Variants in CREBBP observed in about 807,000 individuals in gnomAD.
CREBBP encodes the protein CREB-binding protein.
CREBBP carries 19 observed loss-of-function variants against 265.0 expected under a neutral mutation model. The ratio of observed to expected loss-of-function variants is 0.07; its 90% CI spans 0.05 to 0.11. The LOEUF (loss-of-function observed/expected upper bound fraction) is 0.11. Among genes scored for constraint, CREBBP ranks in the 10% least tolerant of loss-of-function variants. CREBBP has a pLI of 1.00. For synonymous variants in CREBBP, 1,457 were observed against 1,223.7 expected (o/e 1.19, Z -3.98); for missense variants, 2,525 against 3,219.0 (o/e 0.78, Z 5.22).
At position 3,729,641 on chromosome 16, in the gene CREBBP, C is replaced by T. The variant is rs563965527; in HGVS notation, c.5406G>A (p.Val1802=). The T allele has an allele frequency of 3.1e-6, 5 of 1,614,046 alleles. No homozygotes were observed. Among genetic ancestry groups the T allele is most frequent in the Non-Finnish European group, 4.2e-6 (5 of 1,180,002 alleles). ...TGCGTTTGCAGCCCTTGGTGTGCTG[C>T]ACCACCCGCTTCATCTTCTGGCAGG... is the stretch of plus-strand genomic sequence containing the variant. ...LPSCQKMKRV[V]QHTKGCKRKT... Residue 1802 remains valine, a synonymous_variant, in exon 31 of 31, where the codon GTG becomes GTA. Transcript: ENST00000262367.
At chr16:3,747,484 C>T (rs1016259975) in intron 21 of CREBBP, among the ~76,000 whole-genome samples, 10 of 152,136 alleles carry the variant, frequency 6.6e-5, no homozygotes, top group South Asian at 2.1e-4. Flanking sequence ...GTGGTGATGC[C>T]GCTCTGCCCA....
At chr16:3,831,350 A>G (rs2054338739) in intron 2 of CREBBP, among the ~76,000 whole-genome samples, 2 of 152,228 alleles carry the variant, frequency 1.3e-5, no homozygotes, top group African/African-American at 4.8e-5. Flanking sequence ...TTGAGATGCA[A>G]TTAACAACAG....
At chr16:3,828,388 G>A (rs1048493313) in intron 2 of CREBBP, among the ~76,000 whole-genome samples, 44 of 152,218 alleles carry the variant, frequency 2.9e-4, no homozygotes, top group African/African-American at 1.0e-3. Context: ...CACCATGCCC[G>A]TCGAAAGCTG....
At chr16:3,832,460 C>T (rs1477416072) in intron 2 of CREBBP, among the ~76,000 whole-genome samples, 1 of 152,160 alleles carries the variant, frequency 6.6e-6, no homozygotes, top group Non-Finnish European at 1.5e-5. Flanking sequence ...AGAAAAGTGT[C>T]ATTAGGTGAT....
At chr16:3,796,358 G>T (rs1345462225) in intron 3 of CREBBP, among the ~76,000 whole-genome samples, 1 of 151,402 alleles carries the variant, frequency 6.6e-6, no homozygotes, top group Admixed American at 6.6e-5. Context: ...TGGGATCACA[G>T]ATGTGTGGTG....
At chr16:3,829,490 T>C (rs1018434451) in intron 2 of CREBBP, among the ~76,000 whole-genome samples, 1 of 152,190 alleles carries the variant, frequency 6.6e-6, no homozygotes, top group African/African-American at 2.4e-5. Flanking sequence ...GAAGGAATTG[T>C]GAATTGAACA....
intron 4 of CREBBP, among the ~76,000 whole-genome samples, chr16:3,793,161 A>G (rs1278899031): frequency 2.0e-5 from 3 of 152,254 alleles, no homozygotes; most frequent in Non-Finnish European, 4.4e-5. Flanking sequence ...GCAGAAGTTC[A>G]CAGAGTATCA....
chr16:3,734,379 C>T (rs570580776), intron 28 of CREBBP, among the ~76,000 whole-genome samples: 140 of 152,302 alleles, frequency 9.2e-4, no homozygotes, highest in African/African-American at 3.2e-3. Flanking sequence ...ACCTCAGCAT[C>T]CCGCCTCCTA....
chr16:3,862,871 G>A (rs2055105562), intron 1 of CREBBP, among the ~76,000 whole-genome samples: 1 of 152,126 alleles, frequency 6.6e-6, no homozygotes, highest in Non-Finnish European at 1.5e-5. Context: ...TCTGCTCAGA[G>A]TTTGCCTCTT....
intron 2 of CREBBP, among the ~76,000 whole-genome samples, chr16:3,817,802 G>A (rs1334472870): frequency 1.3e-5 from 2 of 152,184 alleles, no homozygotes; most frequent in African/African-American, 4.8e-5. Flanking sequence ...GGGCCAGGCA[G>A]TCCATGGGGG....
At chr16:3,789,221 G>A (rs540938085) in intron 5 of CREBBP, among the ~76,000 whole-genome samples, 1 of 152,204 alleles carries the variant, frequency 6.6e-6, no homozygotes, top group Admixed American at 6.5e-5. Flanking sequence ...GCGAGCACAG[G>A]TGGGTCTCGG....
intron 19 of CREBBP, among the ~76,000 whole-genome samples, chr16:3,752,376 G>C (rs751100385): frequency 6.6e-5 from 10 of 151,626 alleles, no homozygotes; most frequent in Non-Finnish European, 1.2e-4. Flanking sequence ...GCAATTCAGA[G>C]ATTTTATTTC....
intron 20 of CREBBP, among the ~76,000 whole-genome samples, chr16:3,750,553 G>GA (rs1439314057): frequency 6.6e-6 from 1 of 152,208 alleles, no homozygotes; most frequent in African/African-American, 2.4e-5. Context: ...GTATAGAAAT[G>GA]AGTTGATAAC....
intron 1 of CREBBP, among the ~76,000 whole-genome samples, chr16:3,869,238 C>A (rs942794021): frequency 2.6e-5 from 4 of 152,200 alleles, no homozygotes; most frequent in Non-Finnish European, 4.4e-5. Context: ...CAAGGTCACA[C>A]CTGACTGCAG....
chr16:3,749,706 T>A (rs1269117510), intron 20 of CREBBP, 23 bp from the exon 21 acceptor site: 1 of 1,503,748 alleles, frequency 6.7e-7, no homozygotes. Flanking sequence ...TAAGAAAACA[T>A]GTTTTATTAA....
intron 1 of CREBBP, among the ~76,000 whole-genome samples, chr16:3,867,049 G>A (rs1416144852): frequency 6.6e-6 from 1 of 152,152 alleles, no homozygotes; most frequent in Admixed American, 6.6e-5. Flanking sequence ...AATGTTCTTA[G>A]AAGTCCTACC....
In CREBBP at chr16:3,793,578, T is replaced by C. The variant is rs1182475760; in HGVS notation, c.1024A>G (p.Thr342Ala). 6.2e-7 allele frequency: 1 copy of C among 1,613,796 alleles called. No homozygotes were observed. Among genetic ancestry groups the C allele is most frequent in the East Asian group, 2.2e-5 (1 of 44,896 alleles). The change falls in exon 4 of 31, where the codon ACA becomes GCA. Residue 342 changes from threonine to alanine, a missense_variant. This residue lies in a region of CREBBP where 126 missense variants were observed against 171.9 expected (regional missense o/e 0.73). Coordinates refer to ENST00000262367, the MANE Select transcript of CREBBP (RefSeq NM_004380.3). ...TTTTCAGGATCTGCAGTGGGGCCTG[T>C]TGCAATTGCTTGTGTGGGTACAATT... ...VGIVPTQAIA[T>A]GPTADPEKRK... is the part of the protein sequence containing the mutation.
chr16:3,836,934 A>T (rs1195917774), intron 2 of CREBBP, among the ~76,000 whole-genome samples: 1 of 152,252 alleles, frequency 6.6e-6, no homozygotes, highest in South Asian at 2.1e-4. Context: ...GGTGTAAACA[A>T]ATCAATGCAC....
At chr16:3,748,106 T>A (rs1011032811) in intron 21 of CREBBP, among the ~76,000 whole-genome samples, 3 of 150,044 alleles carry the variant, frequency 2.0e-5, no homozygotes, top group Admixed American at 1.3e-4. Context: ...TAAAAATAAA[T>A]ACATACATAC....
Sources: gnomAD v4.1 joint callset for allele counts (sites outside exome capture counted in the v4.1 genomes callset) on GRCh38, gnomAD v4.1.1 for gene constraint, gnomAD v4.1.1 regional missense constraint, MANE v1.5 for transcripts, NCBI Gene and HGNC (gene_info 2026-07-23, HGNC 2026-07-21) for gene names.